The following FARP1 variants were observed in gnomAD, a reference collection of about 807,000 sequenced individuals.
FARP1 encodes FERM, ARH/RhoGEF and pleckstrin domain protein 1, also known as FERM, ARHGEF and pleckstrin domain-containing protein 1.
FARP1 carries 52 observed loss-of-function variants against 128.8 expected under a neutral mutation model. That is an observed-to-expected ratio of 0.40 (90% CI 0.32 to 0.51). The LOEUF is 0.51. Among genes scored for constraint, FARP1 ranks in the 20% least tolerant of loss-of-function variants. The pLI, the probability that FARP1 is intolerant of heterozygous loss-of-function variation, is 0.45. For missense variants in FARP1, 1,333 were observed against 1,367.9 expected (o/e 0.97, Z 0.40); for synonymous variants, 580 against 551.8 (o/e 1.05, Z -0.72).
intron 2 of FARP1, among the ~76,000 whole-genome samples, chr13:98,238,756 G>A (rs1469435405): frequency 1.3e-5 from 2 of 152,260 alleles, no homozygotes; most frequent in East Asian, 1.9e-4. Context: ...ACTACAATTC[G>A]AGATGAGATT....
chr13:98,408,366 C>T (rs552361631), intron 13 of FARP1, among the ~76,000 whole-genome samples: 52 of 113,780 alleles, frequency 4.6e-4, no homozygotes, highest in Non-Finnish European at 7.1e-4. Context: ...CTCACTTTGT[C>T]GCCCAGGCTG....
At chr13:98,232,144 G>GTTTTTTTTTT (rs1555329634) in intron 2 of FARP1, among the ~76,000 whole-genome samples, 1,393 of 111,286 alleles carry the variant, frequency 0.013, 111 homozygotes, top group Middle Eastern at 0.021. Context: ...TTGTTTGGTT[G>GTTTTTTTTTT]GTTTTTTTTT....
chr13:98,412,326 G>C (rs1891223828), intron 16 of FARP1, among the ~76,000 whole-genome samples: 1 of 152,182 alleles, frequency 6.6e-6, no homozygotes, highest in Admixed American at 6.5e-5. Context: ...GGGGCAATAG[G>C]GATTATAAAG....
intron 2 of FARP1, among the ~76,000 whole-genome samples, chr13:98,262,571 T>G (rs1243958451): frequency 6.6e-6 from 1 of 152,192 alleles, no homozygotes; most frequent in East Asian, 1.9e-4. Context: ...CATTACAGGT[T>G]TCATAGAAAC....
In FARP1 at chr13:98,352,496, C is replaced by A. The variant is rs11840449; in HGVS notation, c.276+8630C>A. On this transcript the variant is annotated intron_variant, in intron 3 of 26. Coordinates refer to ENST00000319562, the MANE Select transcript of FARP1 (RefSeq NM_005766.4). Reference sequence around the variant, plus strand: ...AAATGACAGAGAAGGGGAGGGCAATCGAGCCAGGGAACTTGAGAAAGCACG... The same window carrying A: ...AAATGACAGAGAAGGGGAGGGCAATAGAGCCAGGGAACTTGAGAAAGCACG... 5.3e-4 allele frequency among the ~76,000 whole-genome samples: 80 copies of A among 152,196 alleles called. 2 individuals carry two copies. Among genetic ancestry groups the A allele is most frequent in the African/African-American group, 1.8e-3 (76 of 41,532 alleles).
intron 13 of FARP1, chr13:98,396,198 C>T (rs1890538565): frequency 2.5e-6 from 1 of 399,156 alleles, no homozygotes; most frequent in South Asian, 1.3e-4. Context: ...TGGCTAATGG[C>T]ACACCCCCCA....
chr13:98,257,587 A>G (rs1007517144), intron 2 of FARP1, among the ~76,000 whole-genome samples: 2 of 152,190 alleles, frequency 1.3e-5, no homozygotes, highest in Non-Finnish European at 2.9e-5. Context: ...CCTGACCAAC[A>G]TGGTGAAACC....
intron 2 of FARP1, among the ~76,000 whole-genome samples, chr13:98,278,720 G>A (rs1884787254): frequency 6.6e-6 from 1 of 152,076 alleles, no homozygotes; most frequent in Non-Finnish European, 1.5e-5. Context: ...GTGGTTTCAT[G>A]GACTATGTCA....
chr13:98,365,253 C>T (rs183893774), intron 3 of FARP1, 142 bp from the exon 4 acceptor site: 294 of 605,750 alleles, frequency 4.9e-4, no homozygotes, highest in East Asian at 6.5e-4. Flanking sequence ...ACGTAAGATA[C>T]GGCATTCTGG....
chr13:98,151,247 C>T (rs1875975393), intron 1 of FARP1, among the ~76,000 whole-genome samples: 1 of 152,144 alleles, frequency 6.6e-6, no homozygotes, highest in Admixed American at 6.6e-5. Flanking sequence ...GTGCCTAATG[C>T]ATACATTCAA....
chr13:98,212,656 G>T (rs1157037699), intron 1 of FARP1, among the ~76,000 whole-genome samples: 2 of 152,108 alleles, frequency 1.3e-5, no homozygotes, highest in Non-Finnish European at 2.9e-5. Flanking sequence ...TTATTAGGTG[G>T]TTATTGTAAT....
intron 2 of FARP1, among the ~76,000 whole-genome samples, chr13:98,235,413 A>T (rs1323346045): frequency 6.6e-6 from 1 of 152,224 alleles, no homozygotes; most frequent in Non-Finnish European, 1.5e-5. Flanking sequence ...CTAGAATTCC[A>T]TTATGCCTGA....
chr13:98,229,685 CT>C (rs10571699), intron 2 of FARP1, among the ~76,000 whole-genome samples: 37,084 of 140,286 alleles, frequency 0.26, 4,974 homozygotes, highest in Middle Eastern at 0.42. Flanking sequence ...TACTTTATTT[CT>C]TTTTTTTTTT....
intron 1 of FARP1, among the ~76,000 whole-genome samples, chr13:98,171,952 G>C (rs564255032): frequency 6.6e-6 from 1 of 152,256 alleles, no homozygotes; most frequent in East Asian, 1.9e-4. Flanking sequence ...TTCAGCCTGA[G>C]GTTTGGTTTT....
chr13:98,435,788 G>A (rs1306091484), intron 19 of FARP1, 82 bp downstream of exon 19: 9 of 1,460,638 alleles, frequency 6.2e-6, no homozygotes, highest in Non-Finnish European at 8.6e-6. Flanking sequence ...ACCTTTTGAA[G>A]AGAGACCCTT....
At chr13:98,285,038 C>G (rs1008187369) in intron 2 of FARP1, among the ~76,000 whole-genome samples, 4 of 152,304 alleles carry the variant, frequency 2.6e-5, no homozygotes. Flanking sequence ...TTGAAACCTG[C>G]TTCCATGTTG....
chr13:98,272,217 A>G (rs1884424258), intron 2 of FARP1, among the ~76,000 whole-genome samples: 1 of 152,000 alleles, frequency 6.6e-6, no homozygotes, highest in Non-Finnish European at 1.5e-5. Context: ...TTTAGTAGAG[A>G]TGGAGTTTCA....
intron 2 of FARP1, among the ~76,000 whole-genome samples, chr13:98,280,112 C>A (rs536712884): frequency 3.9e-5 from 6 of 152,324 alleles, no homozygotes; most frequent in African/African-American, 1.4e-4. Flanking sequence ...CCGTGGCTCC[C>A]CTCCATGACC....
chr13:98,431,421 G>C lies in FARP1; in HGVS notation c.2143+141G>C, dbSNP rs1594528983. On this transcript the variant is annotated intron_variant, in intron 18 of 26. Transcript: ENST00000319562. ...GTCCCAGGTTTTCATCAGGGTGGGCGCCGGTTTTTATTCCTGCTCTGGTGT... is the reference window on the plus strand; with the variant it reads ...GTCCCAGGTTTTCATCAGGGTGGGCCCCGGTTTTTATTCCTGCTCTGGTGT... The C allele has an allele frequency of 1.9e-5, 11 of 577,044 alleles. 1 individual carries two copies. In the South Asian group the frequency reaches 2.4e-4, roughly 13 times the overall value. The allele number at this position is 577,044 out of a possible 1,614,324, so 35.7% of individuals were successfully genotyped here. A position where few individuals can be genotyped will look rare whatever the true frequency, so the allele number is the denominator to read the frequency against.
Sources: allele counts gnomAD v4.1 joint callset (sites outside exome capture counted in the v4.1 genomes callset), GRCh38; gene constraint gnomAD v4.1.1; transcripts MANE v1.5; gene names NCBI Gene and HGNC (gene_info 2026-07-23, HGNC 2026-07-21).